Variants in TRPM8 observed in about 807,000 individuals in gnomAD.
The protein encoded by TRPM8 is transient receptor potential cation channel subfamily M member 8.
A neutral mutation model predicts 133.7 loss-of-function variants in TRPM8; 110 were observed. That is an observed-to-expected ratio of 0.82 (90% CI 0.70 to 0.96). The LOEUF (loss-of-function observed/expected upper bound fraction) is 0.96. Among genes scored for constraint, TRPM8 ranks in the 40% least tolerant of loss-of-function variants. TRPM8 has a pLI of 0.00. For missense variants in TRPM8, 1,291 were observed against 1,379.5 expected (o/e 0.94, Z 1.02); for synonymous variants, 535 against 532.3 (o/e 1.01, Z -0.07).
At chr2:233,949,791 A>C (rs17863848) in intron 8 of TRPM8, among the ~76,000 whole-genome samples, 158 bp from the exon 9 acceptor site, 6,376 of 152,338 alleles carry the variant, frequency 0.042, 172 homozygotes, top group East Asian at 0.08. Context: ...AGCAATTGAC[A>C]ATATTTGATT....
chr2:233,940,984 A>G (rs1423501133), intron 5 of TRPM8, among the ~76,000 whole-genome samples: 2 of 152,180 alleles, frequency 1.3e-5, no homozygotes, highest in Non-Finnish European at 2.9e-5. Flanking sequence ...AGAAAATGGC[A>G]GGTGTTAGCA....
intron 4 of TRPM8, 142 bp downstream of exon 4, chr2:233,937,651 A>T: frequency 9.6e-7 from 1 of 1,042,700 alleles, no homozygotes; most frequent in Admixed American, 2.4e-5. Flanking sequence ...AAAAAGATAC[A>T]TCTTGTAAAA....
intron 17 of TRPM8, among the ~76,000 whole-genome samples, chr2:233,973,811 T>G (rs1691795460): frequency 6.6e-6 from 1 of 152,034 alleles, no homozygotes; most frequent in Non-Finnish European, 1.5e-5. Context: ...CTGAAGGAGA[T>G]TCATCATTTA....
At chr2:233,955,307 C>A in intron 11 of TRPM8, 57 bp downstream of exon 11, 2 of 1,297,088 alleles carry the variant, frequency 1.5e-6, no homozygotes, top group Non-Finnish European at 2.2e-6. Context: ...GTGGTCTGGG[C>A]AATGTCTGAT....
chr2:233,970,125 A>G, intron 16 of TRPM8, 85 bp from the exon 17 acceptor site: 1 of 1,251,246 alleles, frequency 8.0e-7, no homozygotes, highest in African/African-American at 1.5e-5. Context: ...ATGGGTCTGT[A>G]TTTATCTATG....
chr2:233,998,182 T>C (rs1176916481), intron 22 of TRPM8, among the ~76,000 whole-genome samples: 1 of 152,138 alleles, frequency 6.6e-6, no homozygotes, highest in Admixed American at 6.5e-5. Flanking sequence ...AACTCCTCCA[T>C]CAGGCACAGT....
rs11563208 is a variant in TRPM8, at chr2:233,996,434, C to A, written c.3048C>A (p.Ile1016=). 5.6e-6 allele frequency: 9 copies of A among 1,613,912 alleles called. No homozygotes were observed. The highest frequency in any genetic ancestry group is 7.6e-6 in the Non-Finnish European group (9 of 1,180,008). Residue 1016 remains isoleucine, a synonymous_variant, in exon 22 of 26, where the codon ATC becomes ATA. Transcript: ENST00000324695. ...GCCTCAATATCCCCTTCCCCTTCAT[C>A]GTCTTCGCTTACTTCTACATGGTGG... ...CSRLNIPFPF[I]VFAYFYMVVK...
At chr2:233,923,428 TG>T (rs1457906129) in intron 1 of TRPM8, among the ~76,000 whole-genome samples, 4 of 152,160 alleles carry the variant, frequency 2.6e-5, no homozygotes, top group African/African-American at 7.2e-5. Flanking sequence ...CAGCTAGGTG[TG>T]GTGCAGCTGT....
chr2:233,980,934 G>T (rs532423610), intron 18 of TRPM8, among the ~76,000 whole-genome samples: 4 of 150,682 alleles, frequency 2.7e-5, no homozygotes, highest in African/African-American at 7.5e-5. Context: ...TAGCAACTGG[G>T]CATGGTGGCT....
chr2:233,926,470 G>T, intron 1 of TRPM8, 63 bp from the exon 2 acceptor site: 1 of 1,260,784 alleles, frequency 7.9e-7, no homozygotes. Flanking sequence ...TTGGGGTGAA[G>T]CTTTGAAGGA....
rs562444413 is a variant in TRPM8, at chr2:233,920,085, T to C, written c.-6+2653T>C. On this transcript the variant is annotated intron_variant, in intron 1 of 25. Coordinates refer to ENST00000324695, the MANE Select transcript of TRPM8 (RefSeq NM_024080.5). ...TCTGGGGCTCACTGCAGATGTCTCA[T>C]GCTCTTGAGGTGGGGCCCAGCACTC... Among the ~76,000 whole-genome samples, 5 of 152,302 alleles carry C rather than the reference T, an allele frequency of 3.3e-5. No homozygotes were observed. In the South Asian group the frequency reaches 1.0e-3, roughly 32 times the overall value.
At chr2:233,947,042 T>G (rs1481237768) in intron 7 of TRPM8, 46 bp from the exon 8 acceptor site, 1 of 1,577,600 alleles carries the variant, frequency 6.3e-7, no homozygotes, top group South Asian at 1.1e-5. Flanking sequence ...GGTAGGTGAG[T>G]ATTTCTAATG....
chr2:233,978,183 G>T (rs1405910203), intron 17 of TRPM8, among the ~76,000 whole-genome samples: 2 of 143,568 alleles, frequency 1.4e-5, no homozygotes, highest in Non-Finnish European at 3.0e-5. Context: ...GTATTTCACA[G>T]AAATGGAATA....
chr2:233,946,095 C>T (rs1199729940), intron 7 of TRPM8, 65 bp downstream of exon 7: 1 of 1,468,980 alleles, frequency 6.8e-7, no homozygotes, highest in Non-Finnish European at 9.4e-7. Flanking sequence ...GCATCAACAA[C>T]AATCACTACC....
intron 17 of TRPM8, 104 bp downstream of exon 17, chr2:233,970,530 T>G (rs868187137): frequency 8.9e-7 from 1 of 1,119,104 alleles, no homozygotes. Flanking sequence ...AAAGTCACTA[T>G]TTTCCCAAAA....
chr2:233,995,536 G>C (rs1003942514), intron 21 of TRPM8, among the ~76,000 whole-genome samples: 2 of 152,210 alleles, frequency 1.3e-5, no homozygotes, highest in Non-Finnish European at 2.9e-5. Context: ...TTTGTGAATT[G>C]AGATCTGCAT....
chr2:233,954,671 A>G (rs1233969558), intron 10 of TRPM8, among the ~76,000 whole-genome samples: 2 of 152,234 alleles, frequency 1.3e-5, no homozygotes, highest in Non-Finnish European at 2.9e-5. Flanking sequence ...CTTGCCAGAC[A>G]TTTGGTTATA....
chr2:233,973,985 G>T (rs1691800699), intron 17 of TRPM8, among the ~76,000 whole-genome samples: 1 of 152,198 alleles, frequency 6.6e-6, no homozygotes, highest in South Asian at 2.1e-4. Context: ...AGTTGACCAT[G>T]ACAAAGACCC....
intron 19 of TRPM8, among the ~76,000 whole-genome samples, chr2:233,982,383 G>A (rs1030992570): frequency 6.6e-6 from 1 of 152,116 alleles, no homozygotes; most frequent in African/African-American, 2.4e-5. Context: ...TTATATACAC[G>A]CAATAGAAAG....
Sources: allele counts gnomAD v4.1 joint callset (sites outside exome capture counted in the v4.1 genomes callset), GRCh38; gene constraint gnomAD v4.1.1; transcripts MANE v1.5; gene names NCBI Gene and HGNC (gene_info 2026-07-23, HGNC 2026-07-21).